The following EPC2 variants were observed in gnomAD, a reference collection of about 807,000 sequenced individuals.
EPC2 encodes enhancer of polycomb 2.
In EPC2, 14 loss-of-function variants were observed where a neutral mutation model predicts 92.1. That is an observed-to-expected ratio of 0.15 (90% confidence interval 0.10 to 0.24). The LOEUF is 0.24. Ranked by LOEUF, EPC2 falls within the 10% of genes least tolerant of loss-of-function variation. EPC2 has a pLI of 1.00. For synonymous variants in EPC2, 340 were observed against 334.7 expected (o/e 1.02, Z -0.17); for missense variants, 755 against 971.5 (o/e 0.78, Z 2.96).
chr2:148,676,127 GTT>G (rs11340588), intron 1 of EPC2, among the ~76,000 whole-genome samples: 5 of 146,494 alleles, frequency 3.4e-5, no homozygotes, highest in African/African-American at 1.2e-4. Flanking sequence ...GAATTACTTA[GTT>G]TTTTTTTTTT....
intron 2 of EPC2, among the ~76,000 whole-genome samples, chr2:148,708,406 A>C (rs1448353356): frequency 6.6e-6 from 1 of 152,210 alleles, no homozygotes; most frequent in Admixed American, 6.5e-5. Flanking sequence ...GCTGAATTCT[A>C]CCAGAGGTAT....
chr2:148,729,071 G>A (rs978129907), intron 2 of EPC2, among the ~76,000 whole-genome samples: 3 of 121,222 alleles, frequency 2.5e-5, no homozygotes, highest in Admixed American at 8.1e-5. Flanking sequence ...AACTTGGATT[G>A]TTTTCTTTTT....
At chr2:148,725,784 CAT>C (rs149737684) in intron 2 of EPC2, among the ~76,000 whole-genome samples, 1 of 152,134 alleles carries the variant, frequency 6.6e-6, no homozygotes, top group East Asian at 1.9e-4. Flanking sequence ...TTCAGTTTCA[CAT>C]GTGGTTTTTT....
At chr2:148,682,886 TTTCTC>T (rs1406595529) in intron 1 of EPC2, among the ~76,000 whole-genome samples, 2 of 152,166 alleles carry the variant, frequency 1.3e-5, no homozygotes, top group Non-Finnish European at 2.9e-5. Flanking sequence ...CTCCCATTCT[TTTCTC>T]TACCCTCTCA....
intron 2 of EPC2, among the ~76,000 whole-genome samples, 153 bp downstream of exon 2, chr2:148,690,526 T>TA (rs1212912431): frequency 6.6e-6 from 1 of 152,252 alleles, no homozygotes; most frequent in African/African-American, 2.4e-5. Context: ...CCTCTGTGCT[T>TA]ACATCTGAAT....
intron 6 of EPC2, 32 bp from the exon 7 acceptor site, chr2:148,764,923 T>A (rs1431622083): frequency 7.2e-7 from 1 of 1,387,544 alleles, no homozygotes; most frequent in Non-Finnish European, 9.4e-7. Flanking sequence ...TTTTATTTCT[T>A]CCTTTTGGGG....
At chr2:148,709,625 A>C (rs1325098826) in intron 2 of EPC2, among the ~76,000 whole-genome samples, 1 of 152,242 alleles carries the variant, frequency 6.6e-6, no homozygotes. Flanking sequence ...CCAAAACAGC[A>C]TGGTGCTGGT....
intron 4 of EPC2, among the ~76,000 whole-genome samples, chr2:148,759,958 A>G (rs1484977290): frequency 6.6e-6 from 1 of 152,028 alleles, no homozygotes; most frequent in East Asian, 1.9e-4. Context: ...TAAAGAGAAC[A>G]GAGGCTGGGG....
At chr2:148,676,556 G>T (rs1417879619) in intron 1 of EPC2, among the ~76,000 whole-genome samples, 1 of 151,974 alleles carries the variant, frequency 6.6e-6, no homozygotes, top group Non-Finnish European at 1.5e-5. Flanking sequence ...TTAGCATTTT[G>T]TGGTATATTC....
At chr2:148,716,189 C>T (rs976414351) in intron 2 of EPC2, among the ~76,000 whole-genome samples, 5 of 152,208 alleles carry the variant, frequency 3.3e-5, no homozygotes, top group Non-Finnish European at 7.3e-5. Context: ...TTTACTTCCT[C>T]TCTTTCTATT....
At chr2:148,650,015 A>G (rs1680639956) in intron 1 of EPC2, among the ~76,000 whole-genome samples, 1 of 152,038 alleles carries the variant, frequency 6.6e-6, no homozygotes, top group Non-Finnish European at 1.5e-5. Context: ...CATTATATTT[A>G]TCCCACTGTT....
At chr2:148,700,110 A>G (rs945445956) in intron 2 of EPC2, among the ~76,000 whole-genome samples, 5 of 152,128 alleles carry the variant, frequency 3.3e-5, no homozygotes, top group East Asian at 3.9e-4. Flanking sequence ...TGTTCTTTAT[A>G]TATTTTAGAT....
chr2:148,786,357 G>A lies in EPC2; in HGVS notation c.2404G>A (p.Val802Ile). 6.2e-7 allele frequency: 1 copy of A among 1,610,966 alleles called. No individual in the cohort carries two copies. Among genetic ancestry groups the A allele is most frequent in the Non-Finnish European group, 8.5e-7 (1 of 1,178,556 alleles). Residue 802 changes from valine (V) to isoleucine (I), a missense_variant, in exon 14 of 14, where the codon GTA (valine) becomes ATA (isoleucine). Transcript: ENST00000258484. ...LGLNGIAETTVAMEVT is the reference protein window; with the variant it reads ...LGLNGIAETTIAMEVT ...CTTAAATGGAATAGCAGAGACAACA[G>A]TAGCTATGGAAGTGACATAACCTAA... is the stretch of plus-strand genomic sequence containing the variant.
At position 148,784,971 on chromosome 2, in the gene EPC2, C is replaced by T; in HGVS notation, c.2321C>T (p.Thr774Ile). 6.5e-7 allele frequency: 1 copy of T among 1,531,594 alleles called. No individual in the cohort carries two copies. Among genetic ancestry groups the T allele is most frequent in the Non-Finnish European group, 8.8e-7 (1 of 1,138,034 alleles). 94.9% of individuals were successfully genotyped at this position (1,531,594 alleles called of 1,614,324 possible). Residue 774 changes from threonine to isoleucine, a missense_variant, in exon 13 of 14, where the codon ACT becomes ATT. Transcript: ENST00000258484. ...AGTATGGACAGAGTGCCAAAGGTTA[C>T]TCCCAGCAGTGCCATCAGCAGCATA... ...AASMDRVPKV[T>I]PSSAISSIAR...
At chr2:148,745,363 C>CT (rs1682964783) in intron 3 of EPC2, among the ~76,000 whole-genome samples, 2 of 152,074 alleles carry the variant, frequency 1.3e-5, no homozygotes, top group South Asian at 4.1e-4. Context: ...CTGTAATTTG[C>CT]TTTCTTTGAG....
chr2:148,770,077 G>A (rs1222571764), intron 8 of EPC2, among the ~76,000 whole-genome samples: 3 of 152,092 alleles, frequency 2.0e-5, no homozygotes, highest in African/African-American at 7.2e-5. Flanking sequence ...ACAGGGTCTT[G>A]CTCTGTCACC....
At chr2:148,747,785 T>C (rs1449310498) in intron 3 of EPC2, among the ~76,000 whole-genome samples, 1 of 152,114 alleles carries the variant, frequency 6.6e-6, no homozygotes, top group Non-Finnish European at 1.5e-5. Context: ...GATATTTCCT[T>C]TGTTATCTGT....
chr2:148,759,858 C>G (rs2034391340), intron 4 of EPC2, among the ~76,000 whole-genome samples: 1 of 151,928 alleles, frequency 6.6e-6, no homozygotes, highest in Admixed American at 6.6e-5. Context: ...TATTTCAAAA[C>G]AAAAAGGTTT....
At chr2:148,650,425 T>C (rs1680658084) in intron 1 of EPC2, among the ~76,000 whole-genome samples, 1 of 152,182 alleles carries the variant, frequency 6.6e-6, no homozygotes, top group South Asian at 2.1e-4. Context: ...AAATATAGAA[T>C]CTTTTCACAC....
Sources: gnomAD v4.1 joint callset for allele counts (sites outside exome capture counted in the v4.1 genomes callset) on GRCh38, gnomAD v4.1.1 for gene constraint, MANE v1.5 for transcripts, NCBI Gene and HGNC (gene_info 2026-07-23, HGNC 2026-07-21) for gene names.